The following FHIT variants were observed in gnomAD, a reference collection of about 807,000 sequenced individuals.
The protein encoded by FHIT is fragile histidine triad diadenosine triphosphatase, also known as bis(5'-adenosyl)-triphosphatase.
Under a neutral mutation model 17.9 loss-of-function variants are expected in FHIT, and 19 were observed. That is an observed-to-expected ratio of 1.06 (90% CI 0.74 to 1.56). The LOEUF (loss-of-function observed/expected upper bound fraction) is 1.56, where lower values mean the gene tolerates loss of function less well. FHIT is among the 40% of genes most tolerant of loss of function. The probability of loss-of-function intolerance (pLI) is 0.00; values close to 1 mark genes in which losing one functional copy is unlikely to be tolerated. For missense variants in FHIT, 248 were observed against 189.2 expected (o/e 1.31, Z -1.82); for synonymous variants, 81 against 69.7 (o/e 1.16, Z -0.81).
chr3:60,825,261 A>G (rs2106787518), intron 3 of FHIT, among the ~76,000 whole-genome samples: 1 of 152,324 alleles, frequency 6.6e-6, no homozygotes, highest in African/African-American at 2.4e-5. Flanking sequence ...CAGTATAACA[A>G]AACTTGGAAA....
chr3:60,362,403 G>T (rs921948647), intron 5 of FHIT, among the ~76,000 whole-genome samples: 2 of 152,026 alleles, frequency 1.3e-5, no homozygotes, highest in African/African-American at 2.4e-5. Flanking sequence ...TTTTTTTGGA[G>T]AGGGTTAACA....
chr3:60,759,965 G>T (rs1024061108), intron 4 of FHIT, among the ~76,000 whole-genome samples: 23 of 150,564 alleles, frequency 1.5e-4, no homozygotes, highest in African/African-American at 3.7e-4. Context: ...CTTCCTGCTT[G>T]CCTTTCTCCC....
intron 5 of FHIT, among the ~76,000 whole-genome samples, chr3:60,058,828 T>C (rs535310976): frequency 2.0e-5 from 3 of 152,210 alleles, no homozygotes; most frequent in African/African-American, 7.2e-5. Context: ...CAATGAGACA[T>C]CGAAATGTTG....
intron 3 of FHIT, among the ~76,000 whole-genome samples, chr3:60,829,649 C>T (rs1336393421): frequency 6.6e-6 from 1 of 152,074 alleles, no homozygotes; most frequent in Non-Finnish European, 1.5e-5. Context: ...TTCGTGGTAC[C>T]TAACATGGTG....
At chr3:60,005,814 A>G (rs574960052) in intron 7 of FHIT, among the ~76,000 whole-genome samples, 1 of 152,306 alleles carries the variant, frequency 6.6e-6, no homozygotes, top group South Asian at 2.1e-4. Flanking sequence ...AATGAAAATA[A>G]TAAGTAACGG....
chr3:60,591,047 G>C lies in FHIT; in HGVS notation c.-17-54068C>G, dbSNP rs145223563. On this transcript the variant is annotated intron_variant, in intron 4 of 9. Transcript: ENST00000492590. ...GTCAGCAATAGTACCGTTTCTACCT[G>C]AAATACAGTCAGCCCAGGATTAGAA... 2.8e-4 allele frequency among the ~76,000 whole-genome samples: 42 copies of C among 152,168 alleles called. No individual in the cohort carries two copies. In the East Asian group the frequency reaches 5.0e-3, roughly 18 times the overall value.
At chr3:60,518,112 T>C (rs1471339127) in intron 5 of FHIT, among the ~76,000 whole-genome samples, 1 of 152,154 alleles carries the variant, frequency 6.6e-6, no homozygotes, top group East Asian at 1.9e-4. Flanking sequence ...AGGATAGATT[T>C]TGCATAAAAG....
intron 4 of FHIT, among the ~76,000 whole-genome samples, chr3:60,573,224 A>T (rs559841533): frequency 6.6e-6 from 1 of 152,286 alleles, no homozygotes; most frequent in African/African-American, 2.4e-5. Context: ...GGCACTGTCC[A>T]TAACTGTGTG....
intron 3 of FHIT, among the ~76,000 whole-genome samples, chr3:60,880,706 T>C (rs1553757753): frequency 6.6e-6 from 1 of 152,018 alleles, no homozygotes; most frequent in Non-Finnish European, 1.5e-5. Context: ...CATTCCAGCC[T>C]GGGCAACAAG....
intron 8 of FHIT, among the ~76,000 whole-genome samples, chr3:59,774,290 G>C (rs1702205472): frequency 6.6e-6 from 1 of 152,230 alleles, no homozygotes; most frequent in Non-Finnish European, 1.5e-5. Context: ...ATTTGCGACA[G>C]AAACTGAATA....
chr3:60,571,002 A>T (rs2037359329), intron 4 of FHIT, among the ~76,000 whole-genome samples: 1 of 152,074 alleles, frequency 6.6e-6, no homozygotes, highest in South Asian at 2.1e-4. Context: ...ACTCCACTAA[A>T]TAAATGGCAC....
chr3:60,946,427 C>A (rs1229057200), intron 3 of FHIT, among the ~76,000 whole-genome samples: 1 of 152,194 alleles, frequency 6.6e-6, no homozygotes, highest in African/African-American at 2.4e-5. Context: ...GCACTCCTTA[C>A]ATTTGCAATT....
chr3:60,079,872 A>T lies in FHIT; in HGVS notation c.104-65720T>A, dbSNP rs146650084. On this transcript the variant is annotated intron_variant, in intron 5 of 9. Transcript: ENST00000492590. ...CTTATTGTTCATCAGATCTGAAAAAAATAATGCCCAGAATGTCAAATGATA... is the reference window on the plus strand; with the variant it reads ...CTTATTGTTCATCAGATCTGAAAAATATAATGCCCAGAATGTCAAATGATA... 1.6e-4 allele frequency among the ~76,000 whole-genome samples: 25 copies of T among 152,244 alleles called. 1 individual carries two copies. In the East Asian group the frequency reaches 4.6e-3, roughly 28 times the overall value.
intron 5 of FHIT, among the ~76,000 whole-genome samples, chr3:60,084,912 T>A (rs539882436): frequency 2.4e-4 from 36 of 152,300 alleles, no homozygotes; most frequent in African/African-American, 8.4e-4. Context: ...TTGCTGTTAC[T>A]TCAGGCATCT....
chr3:60,967,850 C>T (rs911690980), intron 3 of FHIT, among the ~76,000 whole-genome samples: 71 of 152,232 alleles, frequency 4.7e-4, no homozygotes, highest in African/African-American at 1.7e-3. Flanking sequence ...AAATTGACTA[C>T]TGATATTGTA....
rs115932597 is a variant in FHIT at position 60,863,982 on chromosome 3, A to G, written c.-110-41971T>C. ...TAATTTATAAAGAAAAAGAAGTTTA[A>G]TGGACTCACAGTTCCACATGGCTGA... On this transcript the variant is annotated intron_variant, in intron 3 of 9. Transcript: ENST00000492590. Among the ~76,000 whole-genome samples, 1,179 of 152,320 alleles carry G rather than the reference A, an allele frequency of 7.7e-3. 8 individuals are homozygous for G. The highest frequency in any genetic ancestry group is 0.012 in the Non-Finnish European group (787 of 68,018).
chr3:60,520,620 C>A (rs2035321626), intron 5 of FHIT, among the ~76,000 whole-genome samples: 2 of 151,832 alleles, frequency 1.3e-5, no homozygotes, highest in South Asian at 4.2e-4. Flanking sequence ...GTCTCAATGA[C>A]CCCAGGATTG....
chr3:59,980,670 C>T (rs802771), intron 7 of FHIT, among the ~76,000 whole-genome samples: 136,469 of 152,186 alleles, frequency 0.9, 61,628 homozygotes, highest in Non-Finnish European at 0.96. Context: ...GGCAAGGGGC[C>T]GTTTCCCACC....
intron 4 of FHIT, among the ~76,000 whole-genome samples, chr3:60,709,553 T>C (rs1487025348): frequency 2.0e-5 from 3 of 152,218 alleles, no homozygotes; most frequent in African/African-American, 7.2e-5. Flanking sequence ...GCATTTTGAA[T>C]GGATCCTTTC....
Sources: allele counts gnomAD v4.1 joint callset (sites outside exome capture counted in the v4.1 genomes callset), GRCh38; gene constraint gnomAD v4.1.1; transcripts MANE v1.5; gene names NCBI Gene and HGNC (gene_info 2026-07-23, HGNC 2026-07-21).